GABPB1: variants seen among roughly 807,000 people sequenced by gnomAD.
GABPB1 encodes GA-binding protein subunit beta-1.
Under a neutral mutation model 45.9 loss-of-function variants are expected in GABPB1, and 15 were observed. The ratio of observed to expected loss-of-function variants is 0.33; its 90% CI spans 0.22 to 0.50. The LOEUF (loss-of-function observed/expected upper bound fraction) is 0.50, where lower values mean the gene tolerates loss of function less well. GABPB1 is among the 20% of genes least tolerant of loss of function. GABPB1 has a pLI of 0.98. For missense variants in GABPB1, 252 were observed against 457.5 expected, an observed-to-expected ratio of 0.55 and a Z score of 4.10; for synonymous variants, 143 against 154.4, an observed-to-expected ratio of 0.93 and a Z score of 0.55.
Position 50,289,470 on chromosome 15 carries a change from G to A in GABPB1, c.883+13C>T, listed in dbSNP as rs370237093. ...AAAAACATACAAACTTTATATAAATGTCTACTACTAACCTTGTTGTCCATC... is the reference window on the plus strand; with the variant it reads ...AAAAACATACAAACTTTATATAAATATCTACTACTAACCTTGTTGTCCATC... On this transcript the variant is annotated intron_variant, in intron 7 of 8. Transcript: ENST00000380877. 32 of 1,502,510 alleles carry A rather than the reference G, an allele frequency of 2.1e-5. 1 individual carries two copies. The highest frequency in any genetic ancestry group is 1.5e-4 in the African/African-American group (11 of 71,106). 93.1% of individuals were successfully genotyped at this position (1,502,510 alleles called of 1,614,324 possible).
intron 1 of GABPB1, among the ~76,000 whole-genome samples, chr15:50,347,778 G>A (rs911336421): frequency 6.6e-6 from 1 of 152,102 alleles, no homozygotes; most frequent in South Asian, 2.1e-4. Context: ...ACTATAGGCT[G>A]GGCGCAGTGG....
At chr15:50,281,434 A>G (rs537023083) in intron 8 of GABPB1, among the ~76,000 whole-genome samples, 1 of 152,224 alleles carries the variant, frequency 6.6e-6, no homozygotes, top group East Asian at 1.9e-4. Context: ...GATGGTCTCA[A>G]TCTCCTGACC....
At chr15:50,337,761 C>T (rs980590558) in intron 1 of GABPB1, among the ~76,000 whole-genome samples, 6 of 151,880 alleles carry the variant, frequency 4.0e-5, no homozygotes, top group African/African-American at 1.5e-4. Flanking sequence ...AGACAGACCC[C>T]GTCTCAACTG....
intron 1 of GABPB1, among the ~76,000 whole-genome samples, chr15:50,348,779 T>C (rs2048706463): frequency 6.6e-6 from 1 of 152,056 alleles, no homozygotes; most frequent in Non-Finnish European, 1.5e-5. Context: ...GAAGAATCGC[T>C]TGAACCCAGG....
At chr15:50,314,094 C>T (rs1433096707) in intron 1 of GABPB1, among the ~76,000 whole-genome samples, 2 of 152,150 alleles carry the variant, frequency 1.3e-5, no homozygotes, top group East Asian at 3.8e-4. Flanking sequence ...TTATTCAAAA[C>T]ATATCACAGT....
chr15:50,317,038 C>T (rs1237147873), intron 1 of GABPB1, among the ~76,000 whole-genome samples: 1 of 151,832 alleles, frequency 6.6e-6, no homozygotes, highest in African/African-American at 2.4e-5. Flanking sequence ...AAAATATTTA[C>T]AAACAGTATG....
At chr15:50,319,264 T>C (rs1320744444) in intron 1 of GABPB1, among the ~76,000 whole-genome samples, 1 of 139,956 alleles carries the variant, frequency 7.1e-6, no homozygotes, top group Non-Finnish European at 1.5e-5. Context: ...GCACATATAA[T>C]TTTTTCTTCC....
At chr15:50,279,635 C>T (rs913263225) in intron 8 of GABPB1, among the ~76,000 whole-genome samples, 2 of 152,184 alleles carry the variant, frequency 1.3e-5, no homozygotes, top group African/African-American at 2.4e-5. Flanking sequence ...AACATTTCAA[C>T]GAACCCATTC....
At chr15:50,284,819 A>G (rs1284721090) in intron 8 of GABPB1, among the ~76,000 whole-genome samples, 1 of 152,192 alleles carries the variant, frequency 6.6e-6, no homozygotes, top group East Asian at 1.9e-4. Context: ...TTATTAAATA[A>G]TAAGTATACT....
chr15:50,320,351 A>G (rs920161031), intron 1 of GABPB1, among the ~76,000 whole-genome samples: 1 of 152,180 alleles, frequency 6.6e-6, no homozygotes, highest in African/African-American at 2.4e-5. Context: ...CATTTTTAGT[A>G]GAGATGGGGT....
intron 6 of GABPB1, among the ~76,000 whole-genome samples, chr15:50,290,778 C>A (rs2046318271): frequency 6.6e-6 from 1 of 152,094 alleles, no homozygotes; most frequent in Non-Finnish European, 1.5e-5. Context: ...TGTATGTTAA[C>A]ATTTCCACAA....
intron 1 of GABPB1, among the ~76,000 whole-genome samples, chr15:50,336,171 C>T (rs183168912): frequency 6.1e-4 from 92 of 151,330 alleles, no homozygotes; most frequent in African/African-American, 2.0e-3. Flanking sequence ...GCCAATATGG[C>T]GAAAACCCAT....
At chr15:50,319,385 A>C (rs2047472976) in intron 1 of GABPB1, among the ~76,000 whole-genome samples, 1 of 152,204 alleles carries the variant, frequency 6.6e-6, no homozygotes, top group African/African-American at 2.4e-5. Context: ...TCACCTGAAT[A>C]GTGAACACTG....
rs1311653260 is a variant in GABPB1 at position 50,306,583 on chromosome 15, T to C, written c.109-2450A>G. Among the ~76,000 whole-genome samples the C allele has an allele frequency of 4.8e-5, 7 of 146,978 alleles. No homozygotes were observed. The East Asian group carries it at 1.0e-3, about 21-fold the overall frequency. The stretch of plus-strand genomic sequence containing the variant: ...CAGAGGCTTCAGTGAGCCAAGATCA[T>C]GCCACTGCACTCCAGCCTGGGCAAC... On this transcript the variant is annotated intron_variant, in intron 2 of 8. Transcript: ENST00000380877.
intron 6 of GABPB1, among the ~76,000 whole-genome samples, chr15:50,290,010 C>A (rs534766157): frequency 1.3e-5 from 2 of 152,182 alleles, no homozygotes; most frequent in South Asian, 4.1e-4. Flanking sequence ...CTCAAGCAAG[C>A]CTCCTGCCTT....
At chr15:50,301,487 G>A in intron 4 of GABPB1, 119 bp from the exon 5 acceptor site, 1 of 923,658 alleles carries the variant, frequency 1.1e-6, no homozygotes, top group Middle Eastern at 2.7e-4. Flanking sequence ...CATAGTACAA[G>A]TGGAAATATT....
At chr15:50,354,689 C>T (rs1026238202) in intron 1 of GABPB1, 10 of 409,412 alleles carry the variant, frequency 2.4e-5, no homozygotes, top group East Asian at 1.1e-4. Context: ...GCGAGGCGGC[C>T]GCGGCATGCT....
chr15:50,308,426 T>C (rs959164136), intron 2 of GABPB1, among the ~76,000 whole-genome samples: 5 of 152,202 alleles, frequency 3.3e-5, no homozygotes, highest in African/African-American at 9.7e-5. Flanking sequence ...CCATTTGATG[T>C]CTTGGTTCAC....
chr15:50,312,921 C>A (rs1486886678), intron 1 of GABPB1, among the ~76,000 whole-genome samples: 1 of 151,956 alleles, frequency 6.6e-6, no homozygotes, highest in Admixed American at 6.6e-5. Flanking sequence ...AGTCCTTTGT[C>A]AAATATAACA....
Sources: gnomAD v4.1 joint callset for allele counts (sites outside exome capture counted in the v4.1 genomes callset) on GRCh38, gnomAD v4.1.1 for gene constraint, MANE v1.5 for transcripts, NCBI Gene and HGNC (gene_info 2026-07-23, HGNC 2026-07-21) for gene names.